The following NR3C1 variants were observed in gnomAD, a reference collection of about 807,000 sequenced individuals.
NR3C1 encodes the protein nuclear receptor subfamily 3 group C member 1.
In NR3C1, 14 loss-of-function variants were observed where a neutral mutation model predicts 74.0. That is an observed-to-expected ratio of 0.19 (90% CI 0.12 to 0.30). NR3C1 has a LOEUF of 0.30. Ranked by LOEUF, NR3C1 falls within the 10% of genes least tolerant of loss-of-function variation. The probability of loss-of-function intolerance (pLI) is 1.00; values close to 1 mark genes in which losing one functional copy is unlikely to be tolerated. For synonymous variants in NR3C1, 308 were observed against 332.5 expected, an observed-to-expected ratio of 0.93 and a Z score of 0.80; for missense variants, 695 against 909.8, an observed-to-expected ratio of 0.76 and a Z score of 3.04.
chr5:143,429,468 T>C (rs1162131583), intron 1 of NR3C1, among the ~76,000 whole-genome samples: 1 of 152,214 alleles, frequency 6.6e-6, no homozygotes, highest in Non-Finnish European at 1.5e-5. Flanking sequence ...CAAGGTTATG[T>C]AGCCATTTTT....
chr5:143,331,258 C>T (rs1300100513), intron 2 of NR3C1, among the ~76,000 whole-genome samples: 1 of 152,088 alleles, frequency 6.6e-6, no homozygotes, highest in Non-Finnish European at 1.5e-5. Context: ...GTCAGAACAG[C>T]TATTATTAAA....
intron 2 of NR3C1, among the ~76,000 whole-genome samples, chr5:143,395,282 A>C (rs1023915166): frequency 6.6e-6 from 1 of 152,002 alleles, no homozygotes. Flanking sequence ...AATATGCCAG[A>C]AGAAAATAAG....
exon 1 of NR3C1, chr5:143,435,282 G>A (rs200046086): frequency 1.0e-6 from 1 of 985,262 alleles, no homozygotes; most frequent in East Asian, 1.1e-4. Flanking sequence ...GGTCCTGCAG[G>A]GCTTGAAAGA....
At chr5:143,424,118 C>T (rs1019051246) in intron 1 of NR3C1, among the ~76,000 whole-genome samples, 7 of 151,284 alleles carry the variant, frequency 4.6e-5, no homozygotes, top group Admixed American at 1.3e-4. Context: ...TGCTAGATGA[C>T]GAGTTAATGG....
intron 2 of NR3C1, among the ~76,000 whole-genome samples, chr5:143,314,425 T>C (rs1191637893): frequency 1.3e-5 from 2 of 151,450 alleles, no homozygotes; most frequent in South Asian, 2.1e-4. Context: ...CTTCTTCTTT[T>C]TTTTTTTTTT....
chr5:143,432,019 G>A (rs1177270725), intron 1 of NR3C1, among the ~76,000 whole-genome samples: 1 of 152,198 alleles, frequency 6.6e-6, no homozygotes, highest in East Asian at 1.9e-4. Context: ...TTTCAACCTT[G>A]GTGGGGGTGG....
At chr5:143,379,485 G>T (rs920523148) in intron 2 of NR3C1, among the ~76,000 whole-genome samples, 1 of 152,064 alleles carries the variant, frequency 6.6e-6, no homozygotes, top group Non-Finnish European at 1.5e-5. Flanking sequence ...ATCACAGAAG[G>T]ATCAGAATTT....
At chr5:143,430,626 A>G (rs1392598247) in intron 1 of NR3C1, among the ~76,000 whole-genome samples, 1 of 152,144 alleles carries the variant, frequency 6.6e-6, no homozygotes, top group Admixed American at 6.6e-5. Context: ...GAGCTCTCTC[A>G]CCCTTTCAGC....
intron 6 of NR3C1, among the ~76,000 whole-genome samples, chr5:143,297,075 CAAAAAAAAAAAAAA>C (rs766243522): frequency 1.6e-5 from 1 of 60,630 alleles, no homozygotes; most frequent in Non-Finnish European, 3.3e-5. Context: ...AGACTCGTCT[CAAAAAAAAAAAAAA>C]AAAAAAAGAA....
intron 2 of NR3C1, among the ~76,000 whole-genome samples, chr5:143,345,545 G>T (rs1166727507): frequency 6.6e-6 from 1 of 152,176 alleles, no homozygotes; most frequent in Non-Finnish European, 1.5e-5. Context: ...CATAAAGTCT[G>T]CGATAATCAT....
intron 2 of NR3C1, among the ~76,000 whole-genome samples, chr5:143,373,412 TACAA>T (rs1457132348): frequency 3.0e-5 from 4 of 131,528 alleles, no homozygotes; most frequent in East Asian, 2.4e-4. Context: ...GGATGAATCT[TACAA>T]ACAATGTTGA....
At chr5:143,304,351 A>T (rs1401042825) in intron 4 of NR3C1, among the ~76,000 whole-genome samples, 1 of 152,020 alleles carries the variant, frequency 6.6e-6, no homozygotes, top group East Asian at 1.9e-4. Context: ...GAATGCATCT[A>T]AGTTAGTTTA....
At chr5:143,303,671 A>G (rs966522616) in intron 4 of NR3C1, among the ~76,000 whole-genome samples, 3 of 152,080 alleles carry the variant, frequency 2.0e-5, no homozygotes, top group Non-Finnish European at 4.4e-5. Flanking sequence ...GAACACAGAT[A>G]CAAAAATCTT....
intron 1 of NR3C1, chr5:143,402,738 G>A (rs982602900): frequency 1.3e-4 from 126 of 985,226 alleles, no homozygotes; most frequent in Non-Finnish European, 1.5e-4. Context: ...GCCAGGCGCC[G>A]CCGGGGCCTC....
At chr5:143,308,903 A>G (rs1820232483) in intron 4 of NR3C1, among the ~76,000 whole-genome samples, 1 of 152,340 alleles carries the variant, frequency 6.6e-6, no homozygotes, top group South Asian at 2.1e-4. Flanking sequence ...AATACTAAGC[A>G]TATGTGTTAT....
At chr5:143,294,803 T>C in intron 7 of NR3C1, 1 of 543,016 alleles carries the variant, frequency 1.8e-6, no homozygotes, top group Non-Finnish European at 2.3e-6. Context: ...TCCATGTGTT[T>C]TCATGGCTTG....
rs1416897680 is a variant in NR3C1 at position 143,300,555 on chromosome 5, G to A, written c.1677C>T (p.Ile559=). ...CTCCTAACATGTTGAGCGTAGTCAT[G>A]ATCCTCCAAGTTGAGTCTGGAACAG... ...DSSVPDSTWR[I]MTTLNMLGGR... Residue 559 remains isoleucine (I), a synonymous_variant, in exon 5 of 9, where the codon ATC becomes ATT. Transcript: ENST00000394464. The surrounding 1 kb of genome is among the most constrained non-coding windows in gnomAD (Gnocchi z 5.2). The A allele has an allele frequency of 1.2e-6, 2 of 1,614,154 alleles. No homozygotes were observed. Among genetic ancestry groups the A allele is most frequent in the South Asian group, 2.2e-5 (2 of 91,078 alleles).
chr5:143,306,755 G>A (rs1819678107), intron 4 of NR3C1, among the ~76,000 whole-genome samples: 1 of 151,406 alleles, frequency 6.6e-6, no homozygotes, highest in Non-Finnish European at 1.5e-5. Context: ...ACATGTAGTA[G>A]TTTTCAACAA....
chr5:143,318,852 C>T (rs1318963521), intron 2 of NR3C1, among the ~76,000 whole-genome samples: 2 of 152,140 alleles, frequency 1.3e-5, no homozygotes, highest in African/African-American at 4.8e-5. Flanking sequence ...AGAAAGACCA[C>T]ATGTATTTAA....
Sources: allele counts gnomAD v4.1 joint callset (sites outside exome capture counted in the v4.1 genomes callset), GRCh38; gene constraint gnomAD v4.1.1; non-coding constraint Gnocchi (gnomAD v3.1); transcripts MANE v1.5; gene names NCBI Gene and HGNC (gene_info 2026-07-23, HGNC 2026-07-21).